MARCHF7: variants seen among roughly 807,000 people sequenced by gnomAD.
MARCHF7 encodes E3 ubiquitin-protein ligase MARCHF7.
MARCHF7 carries 20 observed loss-of-function variants against 76.5 expected under a neutral mutation model. That is an observed-to-expected ratio of 0.26 (90% CI 0.18 to 0.38). The LOEUF (loss-of-function observed/expected upper bound fraction) is 0.38. Among genes scored for constraint, MARCHF7 ranks in the 10% least tolerant of loss-of-function variants. MARCHF7 has a pLI of 1.00. For synonymous variants in MARCHF7, 295 were observed against 293.0 expected, an observed-to-expected ratio of 1.01 and a Z score of -0.07; for missense variants, 797 against 812.9, an observed-to-expected ratio of 0.98 and a Z score of 0.24.
intron 8 of MARCHF7, among the ~76,000 whole-genome samples, chr2:159,754,375 A>G (rs1455872069): frequency 1.3e-5 from 2 of 152,132 alleles, no homozygotes; most frequent in Non-Finnish European, 2.9e-5. Context: ...GAGAAGAAAG[A>G]ATAATTGGAT....
intron 11 of MARCHF7, 21 bp downstream of exon 11, chr2:159,764,695 C>G (rs775768294): frequency 1.3e-6 from 2 of 1,585,002 alleles, no homozygotes; most frequent in South Asian, 2.3e-5. Flanking sequence ...TTTCCCCTCC[C>G]CAGACTTGTT....
At chr2:159,717,776 A>C (rs1701200592) in intron 3 of MARCHF7, among the ~76,000 whole-genome samples, 1 of 152,228 alleles carries the variant, frequency 6.6e-6, no homozygotes, top group African/African-American at 2.4e-5. Flanking sequence ...AAGTATAAAG[A>C]AGAAAAAACA....
At chr2:159,728,872 CA>C in intron 3 of MARCHF7, 136 bp from the exon 4 acceptor site, 1 of 466,016 alleles carries the variant, frequency 2.1e-6, no homozygotes, top group Non-Finnish European at 3.7e-6. Flanking sequence ...AAGTGGTGAT[CA>C]TTTCACAATT....
Position 159,755,581 on chromosome 2 carries a change from G to A in MARCHF7, c.1783+3010G>A, listed in dbSNP as rs557429671. 1.2e-4 allele frequency among the ~76,000 whole-genome samples: 18 copies of A among 152,244 alleles called. 1 individual carries two copies. In the East Asian group the frequency reaches 3.3e-3, roughly 28 times the overall value. On this transcript the variant is annotated intron_variant, in intron 8 of 11. Transcript: ENST00000409175. ...TATATATAGGTATCGTTAGTCAGGA[G>A]GCACTGTGGTTCAGGCATGAAAGTA... is the stretch of plus-strand genomic sequence containing the variant.
chr2:159,720,376 T>A (rs1028559485), intron 3 of MARCHF7, among the ~76,000 whole-genome samples: 1 of 152,202 alleles, frequency 6.6e-6, no homozygotes. Context: ...TGTCTTCCAT[T>A]TTGGGTGTCT....
chr2:159,733,352 C>T (rs1037718351), intron 4 of MARCHF7: 1 of 460,876 alleles, frequency 2.2e-6, no homozygotes, highest in Non-Finnish European at 2.8e-6. Context: ...GTCCTCCCAC[C>T]TCAGCCTCCT....
chr2:159,764,224 G>A (rs1464286824), intron 10 of MARCHF7, among the ~76,000 whole-genome samples: 2 of 141,708 alleles, frequency 1.4e-5, no homozygotes, highest in Non-Finnish European at 3.0e-5. Flanking sequence ...GTGTGTGTGT[G>A]TGTGTGTGTG....
Position 159,770,372 on chromosome 2 carries a change from C to T in MARCHF7, c.*3030C>T, listed in dbSNP as rs886943936. ...ATGTAGCCGCACTGTTAATAGTTTT[C>T]TATCACTTTTTAGTTACTCATGTCT... On this transcript the variant is annotated 3_prime_UTR_variant, in exon 12 of 12. Coordinates refer to ENST00000409175, the MANE Select transcript of MARCHF7 (RefSeq NM_001282805.2). 6.6e-6 allele frequency: 1 copy of T among 151,110 alleles called. No individual in the cohort carries two copies. Among genetic ancestry groups the T allele is most frequent in the African/African-American group, 2.5e-5 (1 of 40,432 alleles). 9.4% of individuals were successfully genotyped at this position (151,110 alleles called of 1,614,324 possible).
chr2:159,721,619 T>G (rs933308628), intron 3 of MARCHF7, among the ~76,000 whole-genome samples: 1 of 152,232 alleles, frequency 6.6e-6, no homozygotes, highest in Non-Finnish European at 1.5e-5. Context: ...TGTGTGTGTG[T>G]GGCTTTGTAG....
chr2:159,752,570 T>C lies in MARCHF7; in HGVS notation c.1782T>C (p.Ser594=). Residue 594 remains serine (S), a splice_region_variant and synonymous_variant, in exon 8 of 12, where the codon TCT becomes TCC. Coordinates refer to ENST00000409175, the MANE Select transcript of MARCHF7 (RefSeq NM_001282805.2). The part of the protein sequence containing the change: ...MKKWLQAKIN[S]GSSLEAVTTC... ...AGTGGTTACAGGCCAAAATTAACTC[T>C]GGTAAGATTTACCCTTTTGTGTTTT... 1 of 1,509,274 alleles carries C rather than the reference T, an allele frequency of 6.6e-7. No individual in the cohort carries two copies. Among genetic ancestry groups the C allele is most frequent in the Non-Finnish European group, 8.9e-7 (1 of 1,127,376 alleles). The allele number at this position is 1,509,274 out of a possible 1,614,324, so 93.5% of individuals were successfully genotyped here. A position where few individuals can be genotyped will look rare whatever the true frequency, so the allele number is the denominator to read the frequency against.
At chr2:159,738,349 C>T (rs1703713240) in intron 4 of MARCHF7, among the ~76,000 whole-genome samples, 1 of 152,176 alleles carries the variant, frequency 6.6e-6, no homozygotes, top group African/African-American at 2.4e-5. Context: ...TCCTTGTCGC[C>T]GGCAGCATGG....
chr2:159,752,685 C>A, intron 8 of MARCHF7, 114 bp downstream of exon 8: 1 of 1,009,504 alleles, frequency 9.9e-7, no homozygotes, highest in Non-Finnish European at 1.4e-6. Flanking sequence ...GTGTCTTAAT[C>A]ATTTTTGAAG....
intron 9 of MARCHF7, among the ~76,000 whole-genome samples, chr2:159,760,062 AT>A (rs759882431): frequency 1.3e-5 from 2 of 152,164 alleles, no homozygotes; most frequent in Non-Finnish European, 2.9e-5. Flanking sequence ...GTTCCAAAAC[AT>A]TTTCATCACT....
rs780481296 is a variant in MARCHF7, at chr2:159,748,180, G to A, written c.890G>A (p.Arg297Gln). The A allele has an allele frequency of 2.5e-5, 40 of 1,609,870 alleles. No homozygotes were observed. Among genetic ancestry groups the A allele is most frequent in the Admixed American group, 1.4e-4 (8 of 58,848 alleles). Residue 297 changes from arginine to glutamine, a missense_variant, in exon 7 of 12, where the codon CGA becomes CAA. Arg to Gln is a conservative substitution (Grantham distance 43). Around this residue, in one of 3 missense-constraint regions of MARCHF7, gnomAD observed 643 missense variants for 631.5 expected, o/e 1.02. Transcript: ENST00000409175. Reference sequence around the variant, plus strand: ...AGCATGTCATCTACTTTTTTTTCACGAAGATCTAGTCAGGATTCCTTGAAT... The same window carrying A: ...AGCATGTCATCTACTTTTTTTTCACAAAGATCTAGTCAGGATTCCTTGAAT... ...ASSMSSTFFSRRSSQDSLNTR... is the reference protein window; with the variant it reads ...ASSMSSTFFSQRSSQDSLNTR...
chr2:159,733,659 G>T, intron 4 of MARCHF7: 1 of 985,342 alleles, frequency 1.0e-6, no homozygotes, highest in Non-Finnish European at 1.2e-6. Context: ...AGAAAAGAGG[G>T]TCAGGGGGTA....
At chr2:159,723,196 TA>T (rs1399873588) in intron 3 of MARCHF7, among the ~76,000 whole-genome samples, 1 of 152,196 alleles carries the variant, frequency 6.6e-6, no homozygotes, top group African/African-American at 2.4e-5. Flanking sequence ...TGAATGCCTT[TA>T]AAAAATTTCC....
At chr2:159,723,605 A>G (rs1574213988) in intron 3 of MARCHF7, among the ~76,000 whole-genome samples, 1 of 152,184 alleles carries the variant, frequency 6.6e-6, no homozygotes, top group Admixed American at 6.5e-5. Context: ...TTATACTGTT[A>G]TTTCATGGTT....
In MARCHF7 at chr2:159,745,902, A is replaced by T; in HGVS notation, c.479A>T (p.Tyr160Phe). 6.2e-7 allele frequency: 1 copy of T among 1,611,544 alleles called. No individual in the cohort carries two copies. Among genetic ancestry groups the T allele is most frequent in the Non-Finnish European group, 8.5e-7 (1 of 1,179,088 alleles). The change falls in exon 6 of 12, where the codon TAT (tyrosine) becomes TTT (phenylalanine). Residue 160 changes from tyrosine to phenylalanine, a missense_variant. Tyr to Phe is a conservative substitution (Grantham distance 22). This residue lies in a region of MARCHF7 where 643 missense variants were observed against 631.5 expected (regional missense o/e 1.02). Transcript: ENST00000409175. ...TDSSISNLMDYSHRSGDFTTS... is the reference protein window; with the variant it reads ...TDSSISNLMDFSHRSGDFTTS... ...TCCTCTATTAGTAATCTTATGGATTATAGTCACCGAAGTGGTGATTTCACA... is the reference window on the plus strand; with the variant it reads ...TCCTCTATTAGTAATCTTATGGATTTTAGTCACCGAAGTGGTGATTTCACA...
At chr2:159,758,762 C>CA (rs1303858016) in intron 8 of MARCHF7, among the ~76,000 whole-genome samples, 1 of 152,152 alleles carries the variant, frequency 6.6e-6, no homozygotes, top group Non-Finnish European at 1.5e-5. Flanking sequence ...AGACATATTC[C>CA]TTAAACTCCA....
Sources: allele counts gnomAD v4.1 joint callset (sites outside exome capture counted in the v4.1 genomes callset), GRCh38; gene constraint gnomAD v4.1.1; regional missense constraint gnomAD v4.1.1; transcripts MANE v1.5; gene names NCBI Gene and HGNC (gene_info 2026-07-23, HGNC 2026-07-21).